The following MARCHF1 variants were observed in gnomAD, a reference collection of about 807,000 sequenced individuals.
MARCHF1 encodes the protein E3 ubiquitin-protein ligase MARCHF1.
Under a neutral mutation model 54.2 loss-of-function variants are expected in MARCHF1, and 40 were observed. The ratio of observed to expected loss-of-function variants is 0.74; its 90% CI spans 0.57 to 0.96. MARCHF1 has a LOEUF of 0.96. Ranked by LOEUF, MARCHF1 falls within the 40% of genes least tolerant of loss-of-function variation. The pLI, the probability that MARCHF1 is intolerant of heterozygous loss-of-function variation, is 0.00. For synonymous variants in MARCHF1, 236 were observed against 236.3 expected (o/e 1.00, Z 0.01); for missense variants, 586 against 656.5 (o/e 0.89, Z 1.17).
At chr4:164,263,079 G>T (rs554723384) in intron 1 of MARCHF1, among the ~76,000 whole-genome samples, 1 of 152,138 alleles carries the variant, frequency 6.6e-6, no homozygotes, top group Non-Finnish European at 1.5e-5. Context: ...TTTTATGAAA[G>T]CTTTGGGAAG....
chr4:163,933,056 G>A (rs1751714814), intron 3 of MARCHF1: 4 of 1,479,158 alleles, frequency 2.7e-6, no homozygotes, highest in Non-Finnish European at 3.7e-6. Flanking sequence ...TTTACTATGA[G>A]ATTCTTAATA....
At chr4:163,534,837 C>T (rs1738475300) in intron 9 of MARCHF1, among the ~76,000 whole-genome samples, 3 of 151,904 alleles carry the variant, frequency 2.0e-5, no homozygotes, top group Non-Finnish European at 2.9e-5. Context: ...GCAACGAACA[C>T]GTGTTCGATA....
At chr4:163,670,388 G>GTCTA (rs74831110) in intron 5 of MARCHF1, among the ~76,000 whole-genome samples, 5,617 of 150,070 alleles carry the variant, frequency 0.037, 244 homozygotes, top group East Asian at 0.23. Flanking sequence ...CTATCTGTCT[G>GTCTA]TCTATCTATC....
chr4:163,883,953 T>A (rs570449649), intron 3 of MARCHF1, among the ~76,000 whole-genome samples: 132 of 152,320 alleles, frequency 8.7e-4, no homozygotes, highest in African/African-American at 2.9e-3. Context: ...AAACATGTCT[T>A]TGAATCACAT....
At chr4:163,907,830 GAT>G (rs1314709559) in intron 3 of MARCHF1, among the ~76,000 whole-genome samples, 12 of 152,094 alleles carry the variant, frequency 7.9e-5, no homozygotes, top group Admixed American at 7.9e-4. Flanking sequence ...ACTTTAGAAC[GAT>G]ATGTGTGGAA....
At chr4:164,163,083 AT>A (rs1415121499) in intron 1 of MARCHF1, among the ~76,000 whole-genome samples, 1 of 152,110 alleles carries the variant, frequency 6.6e-6, no homozygotes, top group East Asian at 1.9e-4. Flanking sequence ...AAAGACAAAT[AT>A]TTTGTCATCA....
At chr4:163,809,169 G>A (rs991946754) in intron 4 of MARCHF1, among the ~76,000 whole-genome samples, 2 of 152,050 alleles carry the variant, frequency 1.3e-5, no homozygotes, top group African/African-American at 4.8e-5. Flanking sequence ...AAAATGCTTT[G>A]GTATTGTTAA....
At chr4:163,750,876 TA>T (rs1160332939) in intron 4 of MARCHF1, among the ~76,000 whole-genome samples, 9 of 152,238 alleles carry the variant, frequency 5.9e-5, no homozygotes, top group African/African-American at 1.9e-4. Flanking sequence ...GATTAAATTT[TA>T]AAAAATTTAT....
chr4:163,677,243 T>C (rs62334327), intron 5 of MARCHF1, among the ~76,000 whole-genome samples: 50,279 of 152,128 alleles, frequency 0.33, 9,378 homozygotes, highest in Non-Finnish European at 0.45. Context: ...AATTAGATCA[T>C]GTCATTTCCC....
At chr4:163,811,653 T>C (rs1748391817) in intron 4 of MARCHF1, among the ~76,000 whole-genome samples, 1 of 152,170 alleles carries the variant, frequency 6.6e-6, no homozygotes, top group South Asian at 2.1e-4. Flanking sequence ...GAATTACAGA[T>C]AAAATAAAGC....
chr4:164,130,862 C>T (rs1376165454), intron 1 of MARCHF1, among the ~76,000 whole-genome samples: 1 of 152,070 alleles, frequency 6.6e-6, no homozygotes, highest in South Asian at 2.1e-4. Flanking sequence ...ATTACATGGA[C>T]CTGAATTTTT....
chr4:163,726,969 C>A (rs1436633699), intron 4 of MARCHF1, among the ~76,000 whole-genome samples: 1 of 152,138 alleles, frequency 6.6e-6, no homozygotes, highest in Non-Finnish European at 1.5e-5. Flanking sequence ...GGGTAACAGT[C>A]CTTTACTACT....
At chr4:163,665,563 C>T (rs1361644379) in intron 5 of MARCHF1, among the ~76,000 whole-genome samples, 2 of 152,044 alleles carry the variant, frequency 1.3e-5, no homozygotes, top group Non-Finnish European at 2.9e-5. Flanking sequence ...AGTCAGTGTT[C>T]GTGTGAAGAT....
chr4:163,614,285 A>G (rs1438692830), intron 5 of MARCHF1, among the ~76,000 whole-genome samples: 1 of 152,118 alleles, frequency 6.6e-6, no homozygotes, highest in Admixed American at 6.6e-5. Context: ...AGCCATTTCC[A>G]TATATTCATT....
intron 4 of MARCHF1, among the ~76,000 whole-genome samples, chr4:163,825,256 C>T (rs1304224879): frequency 1.3e-5 from 2 of 152,002 alleles, no homozygotes; most frequent in Non-Finnish European, 2.9e-5. Flanking sequence ...AACCATGTTG[C>T]TGCAAAGAAC....
In MARCHF1 at chr4:163,926,214, T is replaced by C. The variant is rs375754841; in HGVS notation, c.-39+62287A>G. 1.4e-4 allele frequency among the ~76,000 whole-genome samples: 22 copies of C among 151,850 alleles called. No individual in the cohort carries two copies. The East Asian group carries it at 3.9e-3, about 27-fold the overall frequency. On this transcript the variant is annotated intron_variant, in intron 3 of 9. Coordinates refer to ENST00000514618, the MANE Select transcript of MARCHF1 (RefSeq NM_001394959.1). ...ACTTCAGAAAACCATAGGCTAGTTT[T>C]GGCTGTTTTTTGAACTTCATATAAA...
At position 163,526,352 on chromosome 4, in the gene MARCHF1, A is replaced by G. The variant is rs1738104492; in HGVS notation, c.*2396T>C. The G allele has an allele frequency of 6.6e-6, 1 of 151,992 alleles. No individual in the cohort carries two copies. The highest frequency in any genetic ancestry group is 2.1e-4 in the South Asian group (1 of 4,828). 9.4% of individuals were successfully genotyped at this position (151,992 alleles called of 1,614,324 possible). On this transcript the variant is annotated 3_prime_UTR_variant, in exon 10 of 10. Coordinates refer to ENST00000514618, the MANE Select transcript of MARCHF1 (RefSeq NM_001394959.1). ...ATATTTTCCATGTTAATTAAAGTAA[A>G]TAATTATTTTACTTTCAGAGCAAAC...
chr4:164,285,168 G>C (rs890881986), intron 1 of MARCHF1, among the ~76,000 whole-genome samples: 5 of 152,062 alleles, frequency 3.3e-5, no homozygotes, highest in Admixed American at 2.6e-4. Flanking sequence ...ATCATAATAA[G>C]ACATGTCACT....
intron 1 of MARCHF1, among the ~76,000 whole-genome samples, chr4:164,294,196 G>T (rs1263171758): frequency 1.3e-5 from 2 of 152,216 alleles, no homozygotes; most frequent in African/African-American, 4.8e-5. Flanking sequence ...TGCACTCTCG[G>T]CTTCCCTAAT....
Sources: gnomAD v4.1 joint callset for allele counts (sites outside exome capture counted in the v4.1 genomes callset) on GRCh38, gnomAD v4.1.1 for gene constraint, MANE v1.5 for transcripts, NCBI Gene and HGNC (gene_info 2026-07-23, HGNC 2026-07-21) for gene names.